The following GSDMC variants were observed in gnomAD, a reference collection of about 807,000 sequenced individuals.
GSDMC encodes gasdermin-C.
A neutral mutation model predicts 58.0 loss-of-function variants in GSDMC; 59 were observed. The ratio of observed to expected loss-of-function variants is 1.02; its 90% confidence interval spans 0.82 to 1.26. The LOEUF is 1.26. Ranked by LOEUF, GSDMC falls within the 50% of genes most tolerant of loss-of-function variation. The probability of loss-of-function intolerance (pLI) is 0.00; values close to 1 mark genes in which losing one functional copy is unlikely to be tolerated. For synonymous variants in GSDMC, 241 were observed against 220.2 expected (o/e 1.09, Z -0.83); for missense variants, 659 against 598.5 (o/e 1.10, Z -1.06).
chr8:129,785,741 A>G (rs1298200101), intron 1 of GSDMC, among the ~76,000 whole-genome samples: 1 of 126,102 alleles, frequency 7.9e-6, no homozygotes, highest in East Asian at 2.6e-4. Context: ...GATATGGGCC[A>G]TGTAAGAGGT....
At chr8:129,742,250 C>T in the GSDMC span, among the ~76,000 whole-genome samples, 628 of 151,888 alleles carry the variant, frequency 4.1e-3, 1 homozygote, top group South Asian at 7.5e-3. Context: ...CATAGTTAAT[C>T]GCTGAGAGTA....
the GSDMC span, among the ~76,000 whole-genome samples, chr8:129,726,443 A>G: frequency 3.3e-5 from 5 of 152,206 alleles, no homozygotes; most frequent in African/African-American, 4.8e-5. Flanking sequence ...CCGGAAGCAT[A>G]TAAAGGAGAG....
chr8:129,733,349 G>C, the GSDMC span, among the ~76,000 whole-genome samples: 12 of 152,248 alleles, frequency 7.9e-5, no homozygotes, highest in African/African-American at 2.9e-4. Context: ...AGAATGGAAA[G>C]ACTGCCTCCT....
At chr8:129,718,459 C>T in the GSDMC span, among the ~76,000 whole-genome samples, 3 of 152,170 alleles carry the variant, frequency 2.0e-5, no homozygotes, top group East Asian at 1.9e-4. Flanking sequence ...TAGAGAAATG[C>T]AAATCAAAAC....
chr8:129,705,992 C>A, the GSDMC span, among the ~76,000 whole-genome samples: 5 of 151,758 alleles, frequency 3.3e-5, no homozygotes, highest in African/African-American at 1.2e-4. Context: ...TGAACAGTGA[C>A]CTGATATTGG....
Position 129,749,615 on chromosome 8 carries a change from A to G in GSDMC, c.1214-90T>C, listed in dbSNP as rs2033089469. 3.2e-6 allele frequency: 3 copies of G among 935,292 alleles called. No individual in the cohort carries two copies. The East Asian group carries it at 7.2e-5, about 23-fold the overall frequency. The allele number at this position is 935,292 out of a possible 1,614,324, so 57.9% of individuals were successfully genotyped here. On this transcript the variant is annotated intron_variant, in intron 12 of 13. Transcript: ENST00000276708. ...AAGCAGGAGACCCCCTGAGAGAATA[A>G]CTCCAAGGCAGAGGAATAAAACCCA... is the stretch of plus-strand genomic sequence containing the variant.
chr8:129,785,941 A>C (rs759988309), intron 1 of GSDMC, 70 bp downstream of exon 1: 1 of 152,208 alleles, frequency 6.6e-6, no homozygotes, highest in African/African-American at 2.4e-5. Context: ...TCACAAACCC[A>C]TCCAGAACAT....
At chr8:129,728,944 C>T in the GSDMC span, 17 of 667,180 alleles carry the variant, frequency 2.5e-5, no homozygotes, top group African/African-American at 2.3e-4. Context: ...GAGGTGGTGG[C>T]GGTGGTCAAG....
At chr8:129,771,865 T>C (rs1438918332) in intron 3 of GSDMC, among the ~76,000 whole-genome samples, 1 of 152,142 alleles carries the variant, frequency 6.6e-6, no homozygotes, top group African/African-American at 2.4e-5. Context: ...CCAAAACTTA[T>C]GGGATACAAC....
At position 129,765,734 on chromosome 8, in the gene GSDMC, A is replaced by G; in HGVS notation, c.464T>C (p.Leu155Pro). The G allele has an allele frequency of 6.2e-7, 1 of 1,613,290 alleles. No homozygotes were observed. The highest frequency in any genetic ancestry group is 8.5e-7 in the Non-Finnish European group (1 of 1,179,176). The change falls in exon 4 of 14, where the codon CTG (leucine) becomes CCG (proline). Residue 155 changes from leucine (L) to proline (P), a missense_variant. Physicochemically the swap from Leu to Pro is moderately conservative, Grantham distance 98. Coordinates refer to ENST00000276708, the MANE Select transcript of GSDMC (RefSeq NM_031415.3). ...LKECRRRGDN[L>P]YVVTEAVELI... ...TTCAACAGCCTCTGTCACCACGTAC[A>G]GGTTGTCCCCTCTCCTCCGGCACTC...
chr8:129,781,418 G>C (rs1267535539), intron 1 of GSDMC, among the ~76,000 whole-genome samples: 1 of 152,130 alleles, frequency 6.6e-6, no homozygotes, highest in Non-Finnish European at 1.5e-5. Flanking sequence ...ATTCAGATTA[G>C]AGCTAAAGAG....
the GSDMC span, chr8:129,729,218 A>T: frequency 4.7e-6 from 3 of 642,796 alleles, no homozygotes; most frequent in Admixed American, 5.9e-5. Flanking sequence ...GCATTTTGAG[A>T]CCCTGGAATA....
At position 129,777,375 on chromosome 8, in the gene GSDMC, T is replaced by G. The variant is rs1321663177; in HGVS notation, c.213A>C (p.Ser71=). 1.4e-5 allele frequency: 22 copies of G among 1,605,532 alleles called. No homozygotes were observed. The highest frequency in any genetic ancestry group is 1.7e-5 in the Non-Finnish European group (20 of 1,172,370). ...GCCTCTGGCTGACAATACCTAGGAC[T>G]GAAGAACTTGGCTCCAGGATGTCAT... ...SLNDILEPSS[S]VLETVVTGPF... is the part of the protein sequence containing the mutation. Residue 71 remains serine, a synonymous_variant, in exon 2 of 14, where the codon TCA becomes TCC. Coordinates refer to ENST00000276708, the MANE Select transcript of GSDMC (RefSeq NM_031415.3).
At chr8:129,736,609 C>T in the GSDMC span, among the ~76,000 whole-genome samples, 3 of 152,158 alleles carry the variant, frequency 2.0e-5, no homozygotes, top group African/African-American at 7.2e-5. Flanking sequence ...TAAAAACTCT[C>T]AATAAATTAG....
the GSDMC span, among the ~76,000 whole-genome samples, chr8:129,708,422 G>T: frequency 6.6e-6 from 1 of 152,240 alleles, no homozygotes; most frequent in African/African-American, 2.4e-5. Flanking sequence ...CTGTCTCCCT[G>T]CAGGACTCAG....
Position 129,779,527 on chromosome 8 carries a change from G to A in GSDMC, c.-4-1936C>T, listed in dbSNP as rs545620388. ...AATGGTTACTAGGCTTAATAACTGG[G>A]TGATAAAATAATTTATGCAACAAAC... On this transcript the variant is annotated intron_variant, in intron 1 of 13. Coordinates refer to ENST00000276708, the MANE Select transcript of GSDMC (RefSeq NM_031415.3). Among the ~76,000 whole-genome samples the A allele has an allele frequency of 4.6e-5, 7 of 151,920 alleles. No individual in the cohort carries two copies. The East Asian group carries it at 1.4e-3, about 29-fold the overall frequency.
At chr8:129,727,398 G>A in the GSDMC span, among the ~76,000 whole-genome samples, 1 of 152,172 alleles carries the variant, frequency 6.6e-6, no homozygotes, top group East Asian at 1.9e-4. Context: ...CCAAATCCCA[G>A]GGAGGAGAAC....
intron 6 of GSDMC, among the ~76,000 whole-genome samples, chr8:129,758,746 T>C (rs903960523): frequency 6.6e-6 from 1 of 152,112 alleles, no homozygotes; most frequent in African/African-American, 2.4e-5. Flanking sequence ...ATATTCCATG[T>C]TCATGGATGG....
At chr8:129,762,108 G>A (rs954635416) in intron 5 of GSDMC, among the ~76,000 whole-genome samples, 1 of 152,194 alleles carries the variant, frequency 6.6e-6, no homozygotes, top group African/African-American at 2.4e-5. Flanking sequence ...AACCCAAAGT[G>A]TGTGTGGTCA....
Sources: allele counts gnomAD v4.1 joint callset (sites outside exome capture counted in the v4.1 genomes callset), GRCh38; gene constraint gnomAD v4.1.1; transcripts MANE v1.5; gene names NCBI Gene and HGNC (gene_info 2026-07-23, HGNC 2026-07-21).